The following FSTL4 variants were observed in gnomAD, a reference collection of about 807,000 sequenced individuals.
FSTL4 encodes follistatin like 4, also known as follistatin-related protein 4.
A neutral mutation model predicts 78.2 loss-of-function variants in FSTL4; 28 were observed. The ratio of observed to expected loss-of-function variants is 0.36; its 90% confidence interval spans 0.27 to 0.49. The LOEUF (loss-of-function observed/expected upper bound fraction) is 0.49, where lower values mean the gene tolerates loss of function less well. Among genes scored for constraint, FSTL4 ranks in the 20% least tolerant of loss-of-function variants. FSTL4 has a pLI of 0.98. For missense variants in FSTL4, 922 were observed against 1,084.9 expected, an observed-to-expected ratio of 0.85 and a Z score of 2.11; for synonymous variants, 422 against 440.5, an observed-to-expected ratio of 0.96 and a Z score of 0.53.
At chr5:133,378,183 A>G (rs1299257004) in intron 4 of FSTL4, among the ~76,000 whole-genome samples, 1 of 152,198 alleles carries the variant, frequency 6.6e-6, no homozygotes, top group African/African-American at 2.4e-5. Flanking sequence ...TGGTAATCAC[A>G]TCTACACCAA....
At chr5:133,841,753 C>T in the FSTL4 span, among the ~76,000 whole-genome samples, 1 of 152,222 alleles carries the variant, frequency 6.6e-6, no homozygotes, top group African/African-American at 2.4e-5. Context: ...TCCATTATGC[C>T]ATGTTCCCTG....
intron 4 of FSTL4, among the ~76,000 whole-genome samples, chr5:133,349,065 T>G (rs560741547): frequency 6.6e-6 from 1 of 152,220 alleles, no homozygotes; most frequent in African/African-American, 2.4e-5. Context: ...CTCAGAATAG[T>G]TCTCTCAAGT....
intron 3 of FSTL4, among the ~76,000 whole-genome samples, chr5:133,561,106 A>G (rs1184612162): frequency 6.9e-6 from 1 of 145,130 alleles, no homozygotes; most frequent in Non-Finnish European, 1.5e-5. Flanking sequence ...TAATAATAAT[A>G]ATAATAATAA....
At chr5:133,215,870 C>G (rs751014819) in intron 13 of FSTL4, among the ~76,000 whole-genome samples, 17 of 152,188 alleles carry the variant, frequency 1.1e-4, no homozygotes, top group Non-Finnish European at 2.5e-4. Flanking sequence ...CCTTTTTCAT[C>G]TTTGCAGTCA....
At chr5:133,803,822 A>G in the FSTL4 span, among the ~76,000 whole-genome samples, 1 of 152,120 alleles carries the variant, frequency 6.6e-6, no homozygotes, top group Non-Finnish European at 1.5e-5. Flanking sequence ...CCTCTTCCAC[A>G]TCCCAGGAGT....
chr5:133,799,652 GTGTGCTATC>G, the FSTL4 span, among the ~76,000 whole-genome samples: 1 of 138,730 alleles, frequency 7.2e-6, no homozygotes, highest in Admixed American at 7.4e-5. Flanking sequence ...GGAGATGGTT[GTGTGCTATC>G]TGCAAATTCT....
chr5:133,207,001 G>GAT (rs936389035), intron 14 of FSTL4, among the ~76,000 whole-genome samples: 1 of 151,994 alleles, frequency 6.6e-6, no homozygotes, highest in Non-Finnish European at 1.5e-5. Flanking sequence ...TGATCCAATA[G>GAT]ATATATCCAG....
intron 4 of FSTL4, among the ~76,000 whole-genome samples, chr5:133,399,406 A>T (rs972561583): frequency 6.6e-6 from 1 of 152,180 alleles, no homozygotes; most frequent in Non-Finnish European, 1.5e-5. Context: ...AGTGTCCAAG[A>T]CTATTGTCAT....
At chr5:133,622,564 T>G in the FSTL4 span, among the ~76,000 whole-genome samples, 4 of 152,326 alleles carry the variant, frequency 2.6e-5, no homozygotes, top group African/African-American at 9.6e-5. Context: ...AATGTATGAG[T>G]GATTCCATTT....
rs17693820 is a variant in FSTL4, at chr5:133,566,933, T to C, written c.160+253A>G. Among the ~76,000 whole-genome samples the C allele has an allele frequency of 3.5e-3, 531 of 152,296 alleles. 17 individuals are homozygous for C. The East Asian group carries it at 0.077, about 22-fold the overall frequency. The stretch of plus-strand genomic sequence containing the variant: ...TTCTCTTAAGAGACCAAAAACATGA[T>C]TGCGAATGAGCCAGTTCTTCAAGTA... On this transcript the variant is annotated intron_variant, in intron 3 of 15. Transcript: ENST00000265342.
the FSTL4 span, among the ~76,000 whole-genome samples, chr5:133,778,175 T>C: frequency 6.6e-6 from 1 of 152,214 alleles, no homozygotes; most frequent in African/African-American, 2.4e-5. Flanking sequence ...AGATGTGCCC[T>C]GTGGATCAAA....
At chr5:133,207,689 G>C (rs1437105821) in intron 14 of FSTL4, 1 of 152,184 alleles carries the variant, frequency 6.6e-6, no homozygotes, top group Non-Finnish European at 1.5e-5. Context: ...TGTCACCCAG[G>C]CTGGAGTGCA....
At chr5:133,320,835 G>A (rs11749333) in intron 4 of FSTL4, among the ~76,000 whole-genome samples, 3 of 151,386 alleles carry the variant, frequency 2.0e-5, no homozygotes, top group Non-Finnish European at 4.4e-5. Context: ...GTGAAACCCC[G>A]TCTCTACCAA....
the FSTL4 span, among the ~76,000 whole-genome samples, chr5:133,743,645 T>C: frequency 6.6e-6 from 1 of 152,240 alleles, no homozygotes; most frequent in Non-Finnish European, 1.5e-5. Flanking sequence ...CTCAAATAAA[T>C]GGTAGCCACT....
chr5:133,838,230 C>T, the FSTL4 span, among the ~76,000 whole-genome samples: 1 of 152,214 alleles, frequency 6.6e-6, no homozygotes, highest in Non-Finnish European at 1.5e-5. Flanking sequence ...TTGAGCCAAG[C>T]TCTTGTCACC....
At chr5:133,517,548 T>C (rs1332334387) in intron 3 of FSTL4, among the ~76,000 whole-genome samples, 1 of 125,252 alleles carries the variant, frequency 8.0e-6, no homozygotes, top group African/African-American at 3.1e-5. Context: ...AAAATATAAA[T>C]AAACATTTAC....
intron 4 of FSTL4, among the ~76,000 whole-genome samples, chr5:133,332,460 A>G (rs1754370991): frequency 6.6e-6 from 1 of 152,202 alleles, no homozygotes; most frequent in Non-Finnish European, 1.5e-5. Context: ...TCTCCAAAGA[A>G]AAGTGTACAC....
At chr5:133,221,661 C>G (rs1300945678) in intron 11 of FSTL4, among the ~76,000 whole-genome samples, 1 of 152,108 alleles carries the variant, frequency 6.6e-6, no homozygotes, top group Non-Finnish European at 1.5e-5. Flanking sequence ...AGACCCTGGG[C>G]CCTGCATTCT....
At chr5:133,281,728 C>T (rs570635919) in intron 6 of FSTL4, among the ~76,000 whole-genome samples, 63 of 152,304 alleles carry the variant, frequency 4.1e-4, no homozygotes, top group South Asian at 1.5e-3. Flanking sequence ...GCCCCCTGTT[C>T]TGGACTAGGG....
Sources: gnomAD v4.1 joint callset for allele counts (sites outside exome capture counted in the v4.1 genomes callset) on GRCh38, gnomAD v4.1.1 for gene constraint, MANE v1.5 for transcripts, NCBI Gene and HGNC (gene_info 2026-07-23, HGNC 2026-07-21) for gene names.